The following DSCAM variants were observed in gnomAD, a reference collection of about 807,000 sequenced individuals.
DSCAM encodes the protein DS cell adhesion molecule.
DSCAM carries 47 observed loss-of-function variants against 217.7 expected under a neutral mutation model. That is an observed-to-expected ratio of 0.22 (90% CI 0.17 to 0.28). The LOEUF is 0.28. DSCAM is among the 10% of genes least tolerant of loss of function. The probability of loss-of-function intolerance (pLI) is 1.00; values close to 1 mark genes in which losing one functional copy is unlikely to be tolerated. For synonymous variants in DSCAM, 1,056 were observed against 1,015.3 expected, an observed-to-expected ratio of 1.04 and a Z score of -0.76; for missense variants, 2,080 against 2,618.3, an observed-to-expected ratio of 0.79 and a Z score of 4.49.
At chr21:40,363,252 C>CTTTTTTTTTTT (rs35756323) in intron 4 of DSCAM, among the ~76,000 whole-genome samples, 1 of 116,164 alleles carries the variant, frequency 8.6e-6, no homozygotes, top group Non-Finnish European at 1.7e-5. Flanking sequence ...TTTTTGTGTT[C>CTTTTTTTTTTT]TTTTTTTTTT....
intron 11 of DSCAM, among the ~76,000 whole-genome samples, chr21:40,204,595 T>C (rs1431962896): frequency 6.6e-6 from 1 of 152,198 alleles, no homozygotes; most frequent in Admixed American, 6.5e-5. Context: ...AGAGAGGCTA[T>C]GGAGATACAA....
intron 32 of DSCAM, among the ~76,000 whole-genome samples, chr21:40,038,744 A>G (rs975720748): frequency 6.9e-6 from 1 of 145,138 alleles, no homozygotes; most frequent in Non-Finnish European, 1.5e-5. Flanking sequence ...ATTATTCACA[A>G]TAGCAAAGAC....
Position 40,546,178 on chromosome 21 carries a change from C to G in DSCAM, c.508+146632G>C, listed in dbSNP as rs575858678. On this transcript the variant is annotated intron_variant, in intron 3 of 32. Coordinates refer to ENST00000400454, the MANE Select transcript of DSCAM (RefSeq NM_001389.5). ...AAGAGGGTTAAGGTGTAGAGAAGTC[C>G]TTTTCTTGGGAAAATGATTCACAAG... Among the ~76,000 whole-genome samples, 3 of 152,282 alleles carry G rather than the reference C, an allele frequency of 2.0e-5. No homozygotes were observed. In the South Asian group the frequency reaches 6.2e-4, roughly 32 times the overall value.
chr21:40,844,480 T>C (rs1203448046), intron 1 of DSCAM, among the ~76,000 whole-genome samples: 1 of 152,126 alleles, frequency 6.6e-6, no homozygotes, highest in East Asian at 1.9e-4. Flanking sequence ...TTCATTTGTG[T>C]TTGCTGTTTA....
intron 1 of DSCAM, among the ~76,000 whole-genome samples, chr21:40,756,875 A>G (rs1222902918): frequency 6.6e-6 from 1 of 152,180 alleles, no homozygotes. Flanking sequence ...CACATCTTAG[A>G]GGTAGTATTG....
intron 3 of DSCAM, among the ~76,000 whole-genome samples, chr21:40,561,326 G>A (rs1188913589): frequency 1.3e-5 from 2 of 152,064 alleles, no homozygotes; most frequent in Non-Finnish European, 2.9e-5. Context: ...TTCTTTTCAG[G>A]GTACATGAAT....
In DSCAM at chr21:40,647,188, G is replaced by C. The variant is rs566523956; in HGVS notation, c.508+45622C>G. On this transcript the variant is annotated intron_variant, in intron 3 of 32. Coordinates refer to ENST00000400454, the MANE Select transcript of DSCAM (RefSeq NM_001389.5). ...CAGCATTCACCACACGCTGTTATTA[G>C]GATGTCTACACTAATCATAGCTTAC... 5.3e-5 allele frequency among the ~76,000 whole-genome samples: 8 copies of C among 152,294 alleles called. No individual in the cohort carries two copies. The South Asian group carries it at 1.7e-3, about 32-fold the overall frequency.
At chr21:40,640,723 C>G (rs546312087) in intron 3 of DSCAM, among the ~76,000 whole-genome samples, 1 of 152,180 alleles carries the variant, frequency 6.6e-6, no homozygotes, top group South Asian at 2.1e-4. Context: ...AGGGCTCAAT[C>G]TGCCGTTAGT....
chr21:40,607,904 G>A (rs144329038), intron 3 of DSCAM, among the ~76,000 whole-genome samples: 108 of 152,266 alleles, frequency 7.1e-4, no homozygotes, highest in Non-Finnish European at 4.4e-4. Context: ...ATTGAGAGGC[G>A]CCATTCCATA....
In DSCAM at chr21:40,376,086, CTTG is replaced by C. The variant is rs775065249; in HGVS notation, c.509-6844_509-6842del. Among the ~76,000 whole-genome samples the C allele has an allele frequency of 3.9e-5, 6 of 152,144 alleles. No homozygotes were observed. The East Asian group carries it at 5.8e-4, about 15-fold the overall frequency. On this transcript the variant is annotated intron_variant, in intron 3 of 32. Transcript: ENST00000400454. ...ACTTAGAGAAATATATCTTAGAGCT[CTTG>C]TTGTTGTGTTTTTCCTATTGCAGTC...
intron 3 of DSCAM, among the ~76,000 whole-genome samples, chr21:40,412,389 T>G (rs2075331371): frequency 6.6e-6 from 1 of 152,186 alleles, no homozygotes; most frequent in South Asian, 2.1e-4. Context: ...TAGAGCCTAG[T>G]TGAATGGCTT....
chr21:40,515,311 G>A (rs1270374433), intron 3 of DSCAM, among the ~76,000 whole-genome samples: 1 of 152,122 alleles, frequency 6.6e-6, no homozygotes, highest in Non-Finnish European at 1.5e-5. Context: ...TATACGAATA[G>A]TACAGTAACT....
At chr21:40,152,933 G>A (rs2090439738) in intron 16 of DSCAM, among the ~76,000 whole-genome samples, 1 of 152,232 alleles carries the variant, frequency 6.6e-6, no homozygotes, top group Admixed American at 6.5e-5. Context: ...CTGTTGGCTG[G>A]AGTCTGCTAA....
At chr21:40,841,402 CTT>C (rs1330042994) in intron 1 of DSCAM, among the ~76,000 whole-genome samples, 1 of 152,154 alleles carries the variant, frequency 6.6e-6, no homozygotes, top group Non-Finnish European at 1.5e-5. Flanking sequence ...GGAAATGCAA[CTT>C]TGAATTTTCT....
chr21:40,229,768 T>C (rs1055730567), intron 11 of DSCAM, among the ~76,000 whole-genome samples: 9 of 152,358 alleles, frequency 5.9e-5, no homozygotes, highest in Middle Eastern at 3.4e-3. Context: ...CTTGATTGGT[T>C]CCAAATTTTT....
At chr21:40,502,576 T>C (rs1303407360) in intron 3 of DSCAM, among the ~76,000 whole-genome samples, 2 of 152,034 alleles carry the variant, frequency 1.3e-5, no homozygotes, top group African/African-American at 4.8e-5. Flanking sequence ...ACCCCTCGGT[T>C]CATGGTCTCC....
intron 1 of DSCAM, among the ~76,000 whole-genome samples, chr21:40,815,718 A>T (rs1226216498): frequency 6.6e-6 from 1 of 152,166 alleles, no homozygotes; most frequent in African/African-American, 2.4e-5. Context: ...GGGAGATATG[A>T]GTTTAGGGAT....
intron 1 of DSCAM, among the ~76,000 whole-genome samples, chr21:40,740,900 G>T (rs931955072): frequency 1.3e-5 from 2 of 152,154 alleles, no homozygotes; most frequent in African/African-American, 2.4e-5. Context: ...ATCTCAGATT[G>T]GTATTATCCT....
chr21:40,832,365 T>C (rs930737227), intron 1 of DSCAM, among the ~76,000 whole-genome samples: 1 of 152,232 alleles, frequency 6.6e-6, no homozygotes, highest in South Asian at 2.1e-4. Context: ...CATACGAGTT[T>C]CCTTTTACCC....
Sources: gnomAD v4.1 joint callset for allele counts (sites outside exome capture counted in the v4.1 genomes callset) on GRCh38, gnomAD v4.1.1 for gene constraint, MANE v1.5 for transcripts, NCBI Gene and HGNC (gene_info 2026-07-23, HGNC 2026-07-21) for gene names.